Variants in MBD2 observed in about 807,000 individuals in gnomAD.
The protein encoded by MBD2 is methyl-CpG binding domain protein 2.
MBD2 carries 9 observed loss-of-function variants against 39.3 expected under a neutral mutation model. The ratio of observed to expected loss-of-function variants is 0.23; its 90% CI spans 0.14 to 0.40. MBD2 has a LOEUF of 0.40. MBD2 is among the 10% of genes least tolerant of loss of function. The pLI, the probability that MBD2 is intolerant of heterozygous loss-of-function variation, is 1.00. For missense variants in MBD2, 458 were observed against 532.6 expected (o/e 0.86, Z 1.38); for synonymous variants, 233 against 211.1 (o/e 1.10, Z -0.90).
At chr18:54,207,498 C>T (rs2086459948) in intron 1 of MBD2, among the ~76,000 whole-genome samples, 1 of 152,132 alleles carries the variant, frequency 6.6e-6, no homozygotes, top group Non-Finnish European at 1.5e-5. Context: ...TAGCACTGAA[C>T]AAGGTAACTT....
At chr18:54,197,184 C>G (rs527981809) in intron 2 of MBD2, among the ~76,000 whole-genome samples, 196 of 152,316 alleles carry the variant, frequency 1.3e-3, no homozygotes, top group African/African-American at 4.5e-3. Context: ...TCATCCCCAC[C>G]TGGACAAATA....
chr18:54,224,293 GCCCCGT>G lies in MBD2; in HGVS notation c.261_266del (p.Gly95_Arg96del), dbSNP rs955056991. 1.6e-5 allele frequency: 15 copies of G among 944,580 alleles called. No homozygotes were observed. The highest frequency in any genetic ancestry group is 9.4e-5 in the South Asian group (2 of 21,338). 58.5% of individuals were successfully genotyped at this position (944,580 alleles called of 1,614,324 possible). A position where few individuals can be genotyped will look rare whatever the true frequency, so the allele number is the denominator to read the frequency against. On this transcript the variant is annotated inframe_deletion, in exon 1 of 7. Coordinates refer to ENST00000256429, the MANE Select transcript of MBD2 (RefSeq NM_003927.5). ...GGGGACGGCCGCGGCCCCGGCCCCG[GCCCCGT>G]CCCCGTCCCCGGCCACGGCCCCGGC...
At chr18:54,186,608 GCA>G (rs2086288426) in intron 3 of MBD2, among the ~76,000 whole-genome samples, 1 of 152,122 alleles carries the variant, frequency 6.6e-6, no homozygotes, top group Admixed American at 6.5e-5. Context: ...TCTGCCCAAT[GCA>G]CAGTCCTATT....
intron 3 of MBD2, among the ~76,000 whole-genome samples, chr18:54,185,148 T>C (rs561968200): frequency 6.6e-6 from 1 of 152,336 alleles, no homozygotes; most frequent in Admixed American, 6.5e-5. Flanking sequence ...ATTTATCTTT[T>C]ATCAGGAAAG....
chr18:54,217,434 G>A (rs1022156108), intron 1 of MBD2, among the ~76,000 whole-genome samples: 5 of 152,004 alleles, frequency 3.3e-5, no homozygotes, highest in Non-Finnish European at 5.9e-5. Context: ...TTTCCTAATC[G>A]TTTCTCACTG....
intron 5 of MBD2, among the ~76,000 whole-genome samples, chr18:54,164,299 C>T (rs573765928): frequency 5.9e-5 from 9 of 152,150 alleles, no homozygotes; most frequent in Non-Finnish European, 8.8e-5. Context: ...AGGACCATGA[C>T]GATACCCCTG....
At chr18:54,194,933 T>G (rs1319716482) in intron 2 of MBD2, among the ~76,000 whole-genome samples, 6 of 152,118 alleles carry the variant, frequency 3.9e-5, no homozygotes, top group Non-Finnish European at 5.9e-5. Flanking sequence ...CAGTATCTCA[T>G]AGTGTCCCTT....
chr18:54,164,801 CATAT>C, intron 4 of MBD2, 101 bp from the exon 5 acceptor site: 1 of 905,478 alleles, frequency 1.1e-6, no homozygotes, highest in Non-Finnish European at 1.7e-6. Flanking sequence ...CATTTGGGAT[CATAT>C]ATGTAAAACT....
intron 3 of MBD2, among the ~76,000 whole-genome samples, chr18:54,179,249 G>A (rs2086232667): frequency 6.6e-6 from 1 of 152,156 alleles, no homozygotes; most frequent in Non-Finnish European, 1.5e-5. Context: ...AAAATAGGCT[G>A]AGATGACCTC....
intron 1 of MBD2, among the ~76,000 whole-genome samples, chr18:54,219,807 A>G (rs1179914867): frequency 6.6e-6 from 1 of 152,084 alleles, no homozygotes; most frequent in South Asian, 2.1e-4. Context: ...ACACACACAC[A>G]TATGTATATT....
At chr18:54,214,998 C>T (rs1270016697) in intron 1 of MBD2, among the ~76,000 whole-genome samples, 1 of 152,132 alleles carries the variant, frequency 6.6e-6, no homozygotes, top group Non-Finnish European at 1.5e-5. Context: ...CCTCAGCCTA[C>T]CAAACTGCTG....
In MBD2 at chr18:54,214,180, GTTTC is replaced by G. The variant is rs149295669; in HGVS notation, c.543-9027_543-9024del. Among the ~76,000 whole-genome samples, 636 of 149,046 alleles carry G rather than the reference GTTTC, an allele frequency of 4.3e-3. 4 individuals carry two copies. The highest frequency in any genetic ancestry group is 0.014 in the African/African-American group (577 of 40,766). ...CTATACATATATATATATTTTGTTT[GTTTC>G]TTTCTTTCTTTGTTTTGTTTTTTTT... On this transcript the variant is annotated intron_variant, in intron 1 of 6. Transcript: ENST00000256429.
intron 3 of MBD2, among the ~76,000 whole-genome samples, chr18:54,167,584 G>A (rs574644768): frequency 6.6e-6 from 1 of 152,308 alleles, no homozygotes; most frequent in African/African-American, 2.4e-5. Flanking sequence ...CTGGATATAT[G>A]TGAAGTATCA....
At chr18:54,205,548 G>A (rs1395477485) in intron 1 of MBD2, among the ~76,000 whole-genome samples, 2 of 147,066 alleles carry the variant, frequency 1.4e-5, no homozygotes, top group African/African-American at 2.5e-5. Flanking sequence ...CCAAGATCGC[G>A]TCACTGTACT....
intron 2 of MBD2, among the ~76,000 whole-genome samples, chr18:54,198,531 T>C (rs1315657671): frequency 6.6e-6 from 1 of 152,142 alleles, no homozygotes; most frequent in Non-Finnish European, 1.5e-5. Flanking sequence ...CTAGGTAACA[T>C]GGCAAAACCC....
rs1325038433 is a variant in MBD2 at position 54,155,120 on chromosome 18, G to A, written c.*204C>T. On this transcript the variant is annotated 3_prime_UTR_variant, in exon 7 of 7. Transcript: ENST00000256429. ...ACAAAAGACTAATTTTAAGTCCTAG[G>A]ACTCAAAATAAACATGATTTTTTGA... The A allele has an allele frequency of 1.3e-5, 2 of 152,344 alleles. No homozygotes were observed. The highest frequency in any genetic ancestry group is 2.9e-5 in the Non-Finnish European group (2 of 68,010). 9.4% of individuals were successfully genotyped at this position (152,344 alleles called of 1,614,324 possible).
In MBD2 at chr18:54,159,801, T is replaced by G; in HGVS notation, c.1212A>C (p.Glu404Asp). Residue 404 changes from glutamate to aspartate, a missense_variant, in exon 6 of 7, where the codon GAA (glutamate) becomes GAC (aspartate). By Grantham distance (45) the Glu-to-Asp change is conservative. Transcript: ENST00000256429. ...RAADTEEMDI[E>D]MDSGDEA is the part of the protein sequence containing the mutation. ...CTTAGGCTTCATCTCCACTGTCCAT[T>G]TCAATATCCATCTCTTCTGTATCAG... 6.2e-7 allele frequency: 1 copy of G among 1,611,740 alleles called. No individual in the cohort carries two copies. The highest frequency in any genetic ancestry group is 8.5e-7 in the Non-Finnish European group (1 of 1,179,984).
At chr18:54,180,388 A>G (rs967569678) in intron 3 of MBD2, among the ~76,000 whole-genome samples, 1 of 152,314 alleles carries the variant, frequency 6.6e-6, no homozygotes, top group South Asian at 2.1e-4. Context: ...TAAAAACAAC[A>G]AAGAATTATG....
intron 2 of MBD2, among the ~76,000 whole-genome samples, chr18:54,199,474 G>A (rs2086389808): frequency 6.6e-6 from 1 of 152,048 alleles, no homozygotes; most frequent in South Asian, 2.1e-4. Context: ...TCCTTATTTT[G>A]GGCATTATCA....
Sources: allele counts gnomAD v4.1 joint callset (sites outside exome capture counted in the v4.1 genomes callset), GRCh38; gene constraint gnomAD v4.1.1; transcripts MANE v1.5; gene names NCBI Gene and HGNC (gene_info 2026-07-23, HGNC 2026-07-21).